The following ZMYM5 variants were observed in gnomAD, a reference collection of about 807,000 sequenced individuals.
ZMYM5 encodes zinc finger MYM-type protein 5.
In ZMYM5, 41 loss-of-function variants were observed where a neutral mutation model predicts 61.8. The observed-to-expected ratio is 0.66, with a 90% CI of 0.52 to 0.86. The LOEUF is 0.86. Ranked by LOEUF, ZMYM5 falls within the 40% of genes least tolerant of loss-of-function variation. The probability of loss-of-function intolerance (pLI) is 0.00; values close to 1 mark genes in which losing one functional copy is unlikely to be tolerated. For synonymous variants in ZMYM5, 257 were observed against 276.4 expected (o/e 0.93, Z 0.70); for missense variants, 706 against 786.7 (o/e 0.90, Z 1.23).
chr13:19,863,125 C>T (rs1258257324), intron 1 of ZMYM5, among the ~76,000 whole-genome samples: 1 of 151,990 alleles, frequency 6.6e-6, no homozygotes, highest in African/African-American at 2.4e-5. Flanking sequence ...GCCCAACCCG[C>T]CCCCCGCCAC....
chr13:19,837,938 A>T lies in ZMYM5; in HGVS notation c.873-117T>A. 3.3e-6 allele frequency: 4 copies of T among 1,207,966 alleles called. No homozygotes were observed. In the South Asian group the frequency reaches 6.4e-5, roughly 19 times the overall value. 74.8% of individuals were successfully genotyped at this position (1,207,966 alleles called of 1,614,324 possible). A position where few individuals can be genotyped will look rare whatever the true frequency, so the allele number is the denominator to read the frequency against. On this transcript the variant is annotated intron_variant, in intron 5 of 7. Coordinates refer to ENST00000337963, the MANE Select transcript of ZMYM5 (RefSeq NM_001142684.2). ...TATGATTTAATACTAGAAATCAAGT[A>T]TAACTTTTAGATGCAGCAAATCCAC...
chr13:19,857,631 C>T (rs1309841812), intron 2 of ZMYM5, among the ~76,000 whole-genome samples: 1 of 152,260 alleles, frequency 6.6e-6, no homozygotes, highest in Admixed American at 6.5e-5. Flanking sequence ...CACCTATAAT[C>T]CTAACACTTA....
At chr13:19,839,109 C>T (rs1250139493) in intron 4 of ZMYM5, 124 bp from the exon 5 acceptor site, 3 of 1,128,324 alleles carry the variant, frequency 2.7e-6, no homozygotes, top group African/African-American at 1.6e-5. Context: ...GTGGTTAAGG[C>T]CAAACACTCT....
At chr13:19,844,943 A>G (rs1953024023) in intron 4 of ZMYM5, among the ~76,000 whole-genome samples, 1 of 152,202 alleles carries the variant, frequency 6.6e-6, no homozygotes, top group Non-Finnish European at 1.5e-5. Flanking sequence ...TGCTGCAAGA[A>G]AAGTAACACA....
intron 4 of ZMYM5, among the ~76,000 whole-genome samples, chr13:19,846,561 A>G (rs1231716483): frequency 6.6e-6 from 1 of 152,098 alleles, no homozygotes; most frequent in African/African-American, 2.4e-5. Flanking sequence ...CAAAAAAAAA[A>G]GGCGAATTTT....
At chr13:19,847,727 C>T (rs1953129068) in intron 4 of ZMYM5, among the ~76,000 whole-genome samples, 2 of 149,818 alleles carry the variant, frequency 1.3e-5, no homozygotes, top group South Asian at 4.2e-4. Context: ...ACTGCAACCT[C>T]CCGGGTTCAG....
chr13:19,852,649 T>C (rs1230223864), intron 2 of ZMYM5, among the ~76,000 whole-genome samples: 1 of 152,222 alleles, frequency 6.6e-6, no homozygotes, highest in Non-Finnish European at 1.5e-5. Context: ...TCTTTATGCA[T>C]CTTTTTTGTC....
At chr13:19,849,179 C>T (rs1332099632) in intron 4 of ZMYM5, among the ~76,000 whole-genome samples, 6 of 152,126 alleles carry the variant, frequency 3.9e-5, no homozygotes, top group Non-Finnish European at 8.8e-5. Flanking sequence ...GGCTGGAGTG[C>T]AGCGGTAGGA....
At chr13:19,840,699 C>T (rs965319961) in intron 4 of ZMYM5, among the ~76,000 whole-genome samples, 1 of 149,512 alleles carries the variant, frequency 6.7e-6, no homozygotes, top group South Asian at 2.1e-4. Flanking sequence ...TTTTTTGAGA[C>T]GGAGTCTCGC....
intron 2 of ZMYM5, among the ~76,000 whole-genome samples, chr13:19,854,989 T>G (rs1953452301): frequency 2.0e-5 from 3 of 152,140 alleles, no homozygotes; most frequent in African/African-American, 7.2e-5. Context: ...AAATTAACAT[T>G]TACATAAGGC....
rs946624086 is a variant in ZMYM5, at chr13:19,838,731, T to C, written c.841A>G (p.Thr281Ala). 75 of 1,614,128 alleles carry C rather than the reference T, an allele frequency of 4.6e-5. No individual in the cohort carries two copies. The highest frequency in any genetic ancestry group is 6.2e-5 in the Non-Finnish European group (73 of 1,180,034). Residue 281 changes from threonine to alanine, a missense_variant, in exon 5 of 8, where the codon ACT (threonine) becomes GCT (alanine). Transcript: ENST00000337963. Reference sequence around the variant, plus strand: ...CATATTATGCTTCGTGTGTTTTGAGTACGTTTATGAGAGAAGGAAGAAAGG... The same window carrying C: ...CATATTATGCTTCGTGTGTTTTGAGCACGTTTATGAGAGAAGGAAGAAAGG... Reference protein sequence around the residue: ...TCLSSFSHKRTQNTRSIICKK... With the variant: ...TCLSSFSHKRAQNTRSIICKK...
intron 2 of ZMYM5, among the ~76,000 whole-genome samples, chr13:19,859,880 G>A (rs59915278): frequency 9.3e-5 from 14 of 150,780 alleles, no homozygotes; most frequent in East Asian, 2.0e-4. Flanking sequence ...CAAGGCGGGC[G>A]GATCACTTAG....
rs1890785357 is a variant in ZMYM5 at position 19,824,017 on chromosome 13, T to G, written c.*460A>C. 1.3e-5 allele frequency: 2 copies of G among 152,302 alleles called. No homozygotes were observed. The highest frequency in any genetic ancestry group is 1.3e-4 in the Admixed American group (2 of 15,264). The allele number at this position is 152,302 out of a possible 1,614,324, so 9.4% of individuals were successfully genotyped here. A position where few individuals can be genotyped will look rare whatever the true frequency, so the allele number is the denominator to read the frequency against. ...CCACACCTGGCTAATTTTTGTATTT[T>G]TAGTAAAGACGAGGTTTTGCCACGT... On this transcript the variant is annotated 3_prime_UTR_variant, in exon 8 of 8. Coordinates refer to ENST00000337963, the MANE Select transcript of ZMYM5 (RefSeq NM_001142684.2).
At chr13:19,828,832 A>G (rs1033776629) in intron 7 of ZMYM5, among the ~76,000 whole-genome samples, 6 of 152,298 alleles carry the variant, frequency 3.9e-5, no homozygotes, top group African/African-American at 1.2e-4. Context: ...TCATTTACTG[A>G]TATGGGAAAC....
intron 4 of ZMYM5, among the ~76,000 whole-genome samples, chr13:19,840,899 G>C (rs867571931): frequency 6.6e-6 from 1 of 151,256 alleles, no homozygotes; most frequent in African/African-American, 2.4e-5. Flanking sequence ...GGATGGTCTT[G>C]ATCTCCTGAC....
chr13:19,851,586 CAT>C, intron 3 of ZMYM5, 101 bp downstream of exon 3: 10 of 1,545,096 alleles, frequency 6.5e-6, no homozygotes, highest in Non-Finnish European at 8.8e-6. Context: ...TCTTGCCCAG[CAT>C]TCACAGAGCT....
At chr13:19,858,069 G>C (rs967582085) in intron 2 of ZMYM5, among the ~76,000 whole-genome samples, 1 of 150,598 alleles carries the variant, frequency 6.6e-6, no homozygotes, top group Non-Finnish European at 1.5e-5. Flanking sequence ...GGTGGTGCAC[G>C]CCTGTAATCC....
intron 4 of ZMYM5, among the ~76,000 whole-genome samples, chr13:19,839,757 A>G (rs4769910): frequency 0.69 from 104,545 of 152,086 alleles, 38,633 homozygotes; most frequent in East Asian, 0.89. Flanking sequence ...TGTAGACATT[A>G]GTACACTTAC....
chr13:19,856,733 C>G (rs983837637), intron 2 of ZMYM5, among the ~76,000 whole-genome samples: 1 of 152,138 alleles, frequency 6.6e-6, no homozygotes, highest in African/African-American at 2.4e-5. Flanking sequence ...TCGCTTGAAC[C>G]CGGGAGGTAG....
Sources: allele counts gnomAD v4.1 joint callset (sites outside exome capture counted in the v4.1 genomes callset), GRCh38; gene constraint gnomAD v4.1.1; transcripts MANE v1.5; gene names NCBI Gene and HGNC (gene_info 2026-07-23, HGNC 2026-07-21).